The following TEAD4 variants were observed in gnomAD, a reference collection of about 807,000 sequenced individuals.
TEAD4 encodes TEA domain transcription factor 4, also known as transcriptional enhancer factor TEF-3.
A neutral mutation model predicts 52.4 loss-of-function variants in TEAD4; 36 were observed. The ratio of observed to expected loss-of-function variants is 0.69; its 90% CI spans 0.53 to 0.91. The LOEUF is 0.91. Among genes scored for constraint, TEAD4 ranks in the 40% least tolerant of loss-of-function variants. The pLI, the probability that TEAD4 is intolerant of heterozygous loss-of-function variation, is 0.00. For missense variants in TEAD4, 508 were observed against 583.9 expected, an observed-to-expected ratio of 0.87 and a Z score of 1.34; for synonymous variants, 220 against 231.0, an observed-to-expected ratio of 0.95 and a Z score of 0.43.
chr12:2,972,521 CAG>C (rs1261855904), intron 2 of TEAD4, among the ~76,000 whole-genome samples: 3 of 44,950 alleles, frequency 6.7e-5, no homozygotes, highest in South Asian at 1.5e-3. Context: ...TTTTTTGAGA[CAG>C]AGTTTTGCTT....
intron 3 of TEAD4, among the ~76,000 whole-genome samples, chr12:3,008,757 C>T (rs1488916612): frequency 6.6e-6 from 1 of 152,146 alleles, no homozygotes; most frequent in Non-Finnish European, 1.5e-5. Flanking sequence ...ATAGTCTCTT[C>T]CTCTGAGCTG....
chr12:2,963,741 G>A (rs2098217825), intron 2 of TEAD4, among the ~76,000 whole-genome samples: 1 of 152,216 alleles, frequency 6.6e-6, no homozygotes, highest in African/African-American at 2.4e-5. Flanking sequence ...GTGGGGACTG[G>A]ATATTTGGGA....
rs2098241377 is a variant in TEAD4 at position 2,989,505 on chromosome 12, A to G, written c.-29-5233A>G. Among the ~76,000 whole-genome samples the G allele has an allele frequency of 4.6e-5, 7 of 151,948 alleles. 1 individual carries two copies. In the South Asian group the frequency reaches 1.5e-3, roughly 32 times the overall value. On this transcript the variant is annotated intron_variant, in intron 2 of 12. Transcript: ENST00000359864. ...CCAGGCTGGAGTGCAATGGTGCAAT[A>G]TGGGCTCACCGCAACCTCTACCTCC...
At chr12:2,982,503 T>C (rs868189299) in intron 2 of TEAD4, among the ~76,000 whole-genome samples, 26 of 152,336 alleles carry the variant, frequency 1.7e-4, no homozygotes, top group African/African-American at 6.0e-4. Flanking sequence ...CCTGGGTCAC[T>C]GTGGTGCACT....
intron 3 of TEAD4, among the ~76,000 whole-genome samples, chr12:3,009,774 C>G (rs144355277): frequency 2.6e-5 from 4 of 152,378 alleles, no homozygotes; most frequent in Admixed American, 6.5e-5. Context: ...ATTCTCCCCC[C>G]ACTCCTTCCT....
Position 3,023,749 on chromosome 12 carries a change from G to A in TEAD4, c.897+1732G>A, listed in dbSNP as rs1050238282. On this transcript the variant is annotated intron_variant, in intron 10 of 12. Coordinates refer to ENST00000359864, the MANE Select transcript of TEAD4 (RefSeq NM_003213.4). Reference sequence around the variant, plus strand: ...GGAGGTTGCAGTGAGCAGAGATGGCGGCCACTGCATTCCAGCCTGGGCAAC... The same window carrying A: ...GGAGGTTGCAGTGAGCAGAGATGGCAGCCACTGCATTCCAGCCTGGGCAAC... 9.4e-5 allele frequency among the ~76,000 whole-genome samples: 14 copies of A among 148,924 alleles called. No individual in the cohort carries two copies. The South Asian group carries it at 1.5e-3, about 16-fold the overall frequency.
At chr12:3,018,489 A>G in intron 6 of TEAD4, 56 bp from the exon 7 acceptor site, 4 of 1,609,292 alleles carry the variant, frequency 2.5e-6, no homozygotes, top group Non-Finnish European at 3.4e-6. Context: ...CCCCCACACC[A>G]CAGGGCCCCG....
chr12:2,964,313 GTGT>G (rs1486484376), intron 2 of TEAD4, among the ~76,000 whole-genome samples: 1 of 152,194 alleles, frequency 6.6e-6, no homozygotes, highest in Non-Finnish European at 1.5e-5. Flanking sequence ...TAAAAGGCTG[GTGT>G]TGTTGCTCCC....
At chr12:3,031,312 C>T (rs1007129686) in intron 10 of TEAD4, among the ~76,000 whole-genome samples, 5 of 152,216 alleles carry the variant, frequency 3.3e-5, no homozygotes, top group South Asian at 2.1e-4. Context: ...GGCTCTTTCC[C>T]GGCATGGCTC....
At position 3,021,922 on chromosome 12, in the gene TEAD4, C is replaced by T. The variant is rs141718322; in HGVS notation, c.802C>T (p.Arg268Cys). The T allele has an allele frequency of 8.4e-4, 1,356 of 1,614,234 alleles. 7 individuals are homozygous for T. Among genetic ancestry groups the T allele is most frequent in the South Asian group, 7.6e-3 (689 of 91,086 alleles). The change falls in exon 10 of 13, where the codon CGC becomes TGC. Residue 268 changes from arginine to cysteine, a missense_variant. By Grantham distance (180) the Arg-to-Cys change is radical (BLOSUM62 -3). Transcript: ENST00000359864. The stretch of plus-strand genomic sequence containing the variant: ...CCCCTACCTCGAAGCCGTGGACATC[C>T]GCCAAATCTATGACAAATTCCCGGA...
chr12:3,020,756 C>T lies in TEAD4; in HGVS notation c.706C>T (p.Gln236Ter). The stretch of plus-strand genomic sequence containing the variant: ...GGAGTTCTCTGCCTTCCTGGAGCAG[C>T]AGCAGGACCCGGACACGGTAGGTCC... The change falls in exon 9 of 13, where the codon CAG (glutamine) becomes TAG (stop). Residue 236 changes from glutamine to a stop codon, truncating the protein, a stop_gained. Coordinates refer to ENST00000359864, the MANE Select transcript of TEAD4 (RefSeq NM_003213.4). LOFTEE classifies it high-confidence loss of function. 6.2e-7 allele frequency: 1 copy of T among 1,606,800 alleles called. No individual in the cohort carries two copies. The highest frequency in any genetic ancestry group is 1.7e-5 in the Admixed American group (1 of 59,216).
At chr12:2,973,352 A>G (rs960541560) in intron 2 of TEAD4, among the ~76,000 whole-genome samples, 10 of 152,202 alleles carry the variant, frequency 6.6e-5, no homozygotes, top group African/African-American at 2.4e-4. Flanking sequence ...GTGTGCCACC[A>G]TGCCCAGCTG....
At chr12:2,978,430 G>C (rs2098231574) in intron 2 of TEAD4, among the ~76,000 whole-genome samples, 1 of 151,150 alleles carries the variant, frequency 6.6e-6, no homozygotes, top group Non-Finnish European at 1.5e-5. Context: ...TTGAGAGGGA[G>C]TCTCACTTTA....
intron 3 of TEAD4, among the ~76,000 whole-genome samples, chr12:3,001,186 A>G (rs1264552100): frequency 6.6e-6 from 1 of 152,220 alleles, no homozygotes; most frequent in Admixed American, 6.5e-5. Flanking sequence ...AGGTCATAAT[A>G]CTACTACCTT....
rs1421038615 is a variant in TEAD4, at chr12:3,035,118, A to AT, written c.898-2850_898-2849insT. 7.2e-5 allele frequency among the ~76,000 whole-genome samples: 11 copies of AT among 152,118 alleles called. No homozygotes were observed. In the South Asian group the frequency reaches 1.5e-3, roughly 20 times the overall value. On this transcript the variant is annotated intron_variant, in intron 10 of 12. Coordinates refer to ENST00000359864, the MANE Select transcript of TEAD4 (RefSeq NM_003213.4). ...TCCGTCTCAAAAAATAAAATTAAAA[A>AT]AATAGTTATATAGTTATTTTCATAT...
rs182127747 is a variant in TEAD4 at position 3,011,527 on chromosome 12, C to T, written c.291+459C>T. On this transcript the variant is annotated intron_variant, in intron 4 of 12. Transcript: ENST00000359864. ...GATTATAGGCGTGAGCCACCACCCC[C>T]GGCCGGGTGGTCCAGTTTTCTTGGG... Among the ~76,000 whole-genome samples, 103 of 152,022 alleles carry T rather than the reference C, an allele frequency of 6.8e-4. 1 individual carries two copies. In the East Asian group the frequency reaches 0.018, roughly 26 times the overall value.
At chr12:3,013,509 G>T (rs1253673174) in intron 5 of TEAD4, among the ~76,000 whole-genome samples, 1 of 152,084 alleles carries the variant, frequency 6.6e-6, no homozygotes, top group African/African-American at 2.4e-5. Flanking sequence ...CGAGTTGGGC[G>T]GATCACTTGA....
At chr12:3,028,906 C>T (rs897366724) in intron 10 of TEAD4, among the ~76,000 whole-genome samples, 2 of 152,222 alleles carry the variant, frequency 1.3e-5, no homozygotes, top group East Asian at 3.9e-4. Context: ...GCTGGGATTA[C>T]ACGTGTGAGC....
chr12:3,027,982 A>T (rs1296708759), intron 10 of TEAD4, among the ~76,000 whole-genome samples: 1 of 152,140 alleles, frequency 6.6e-6, no homozygotes, highest in Non-Finnish European at 1.5e-5. Flanking sequence ...TGTTCCCTTT[A>T]GCTGTCACTC....
Sources: gnomAD v4.1 joint callset for allele counts (sites outside exome capture counted in the v4.1 genomes callset) on GRCh38, gnomAD v4.1.1 for gene constraint, MANE v1.5 for transcripts, NCBI Gene and HGNC (gene_info 2026-07-23, HGNC 2026-07-21) for gene names.